LRRCC1: variants seen among roughly 807,000 people sequenced by gnomAD.
LRRCC1 encodes the protein leucine-rich repeat and coiled-coil domain-containing protein 1.
In LRRCC1, 115 loss-of-function variants were observed where a neutral mutation model predicts 126.0. The observed-to-expected ratio is 0.91, with a 90% CI of 0.78 to 1.07. The LOEUF is 1.07. Ranked by LOEUF, LRRCC1 falls within the 50% of genes least tolerant of loss-of-function variation. The probability of loss-of-function intolerance (pLI) is 0.00; values close to 1 mark genes in which losing one functional copy is unlikely to be tolerated. For synonymous variants in LRRCC1, 400 were observed against 393.4 expected (o/e 1.02, Z -0.20); for missense variants, 1,172 against 1,175.7 (o/e 1.00, Z 0.05).
rs1454207757 is a variant in LRRCC1, at chr8:85,126,897, AC to A, written c.1421+61del. ...TAGCATAAACAATACTGACTTTAGA[AC>A]TGGAATACATTAGTTTCAGTGTGGT... On this transcript the variant is annotated intron_variant, in intron 9 of 18. Coordinates refer to ENST00000360375, the MANE Select transcript of LRRCC1 (RefSeq NM_033402.5). 8.6e-6 allele frequency: 12 copies of A among 1,388,452 alleles called. No homozygotes were observed. In the African/African-American group the frequency reaches 1.4e-4, roughly 16 times the overall value. The allele number at this position is 1,388,452 out of a possible 1,614,324, so 86.0% of individuals were successfully genotyped here. A position where few individuals can be genotyped will look rare whatever the true frequency, so the allele number is the denominator to read the frequency against.
chr8:85,131,136 AAT>A (rs1472910605), intron 11 of LRRCC1, among the ~76,000 whole-genome samples: 1 of 152,212 alleles, frequency 6.6e-6, no homozygotes, highest in Non-Finnish European at 1.5e-5. Flanking sequence ...TAGATGAGAC[AAT>A]TATAAAAGAT....
intron 18 of LRRCC1, among the ~76,000 whole-genome samples, chr8:85,144,187 A>G (rs993637775): frequency 6.6e-6 from 1 of 152,084 alleles, no homozygotes; most frequent in Non-Finnish European, 1.5e-5. Context: ...TGTAGGCACT[A>G]CATTAAAGAT....
chr8:85,125,751 T>G (rs1809943900), intron 8 of LRRCC1, among the ~76,000 whole-genome samples: 1 of 151,710 alleles, frequency 6.6e-6, no homozygotes, highest in African/African-American at 2.4e-5. Flanking sequence ...GTTGAGAAAC[T>G]TCAGTACTTG....
intron 3 of LRRCC1, 38 bp from the exon 4 acceptor site, chr8:85,112,892 CTA>C (rs1316282370): frequency 7.0e-7 from 1 of 1,438,768 alleles, no homozygotes; most frequent in African/African-American, 1.4e-5. Flanking sequence ...ATTGGAAAGA[CTA>C]TTGCTGTGGC....
intron 1 of LRRCC1, among the ~76,000 whole-genome samples, chr8:85,107,918 TA>T (rs1175016019): frequency 6.6e-6 from 1 of 152,244 alleles, no homozygotes; most frequent in African/African-American, 2.4e-5. Flanking sequence ...TTGCAATACA[TA>T]TATTCATATA....
chr8:85,121,519 G>A (rs542621651), intron 6 of LRRCC1, among the ~76,000 whole-genome samples: 9 of 152,086 alleles, frequency 5.9e-5, no homozygotes, highest in Admixed American at 2.6e-4. Context: ...TCAGCTCACC[G>A]CAACCTCCAC....
chr8:85,130,075 T>C lies in LRRCC1; in HGVS notation c.1766+17T>C. 6.5e-7 allele frequency: 1 copy of C among 1,538,628 alleles called. No homozygotes were observed. The highest frequency in any genetic ancestry group is 8.7e-7 in the Non-Finnish European group (1 of 1,149,184). ...GGAACACAGGTAAATGAAAAATGTA[T>C]CAGGAATGTATTGGCATTTAAAAAA... is the stretch of plus-strand genomic sequence containing the variant. On this transcript the variant is annotated intron_variant, in intron 11 of 18. Coordinates refer to ENST00000360375, the MANE Select transcript of LRRCC1 (RefSeq NM_033402.5).
chr8:85,115,312 T>G (rs376428229), intron 5 of LRRCC1, 37 bp downstream of exon 5: 1 of 1,562,698 alleles, frequency 6.4e-7, no homozygotes, highest in African/African-American at 1.4e-5. Flanking sequence ...ATATAAAAAA[T>G]ACCTTCAAAT....
Position 85,135,830 on chromosome 8 carries a change from G to A in LRRCC1, c.2196G>A (p.Lys732=), listed in dbSNP as rs1810816181. ...TTGAAATTTTAATTGAAGATGACAAGCAGAAGAGTATTCAAATAGAACTTC... is the reference window on the plus strand; with the variant it reads ...TTGAAATTTTAATTGAAGATGACAAACAGAAGAGTATTCAAATAGAACTTC... ...NTLEILIEDD[K]QKSIQIELLK... is the part of the protein sequence containing the mutation. The change falls in exon 14 of 19, where the codon AAG becomes AAA. Residue 732 remains lysine, a synonymous_variant. Transcript: ENST00000360375. The A allele has an allele frequency of 1.3e-6, 2 of 1,588,362 alleles. No individual in the cohort carries two copies. Among genetic ancestry groups the A allele is most frequent in the Non-Finnish European group, 8.6e-7 (1 of 1,166,952 alleles).
Position 85,135,812 on chromosome 8 carries a change from T to C in LRRCC1, c.2178T>C (p.Ile726=). The change falls in exon 14 of 19, where the codon ATT becomes ATC. Residue 726 remains isoleucine (I), a synonymous_variant. Coordinates refer to ENST00000360375, the MANE Select transcript of LRRCC1 (RefSeq NM_033402.5). ...AGAATCAAATCAACACCCTTGAAAT[T>C]TTAATTGAAGATGACAAGCAGAAGA... The part of the protein sequence containing the change: ...NLQNQINTLE[I]LIEDDKQKSI... 6.4e-7 allele frequency: 1 copy of C among 1,558,530 alleles called. No homozygotes were observed. The highest frequency in any genetic ancestry group is 8.7e-7 in the Non-Finnish European group (1 of 1,152,954).
chr8:85,143,848 G>A (rs1323499593), intron 18 of LRRCC1, among the ~76,000 whole-genome samples: 1 of 152,116 alleles, frequency 6.6e-6, no homozygotes, highest in African/African-American at 2.4e-5. Flanking sequence ...TAGCACTAGA[G>A]CTTAAATATG....
intron 3 of LRRCC1, among the ~76,000 whole-genome samples, chr8:85,112,722 G>A (rs1364823468): frequency 6.6e-6 from 1 of 152,004 alleles, no homozygotes; most frequent in African/African-American, 2.4e-5. Context: ...GGAACCTCAG[G>A]GACTAAAGCC....
At chr8:85,112,125 G>A (rs1445604548) in intron 3 of LRRCC1, among the ~76,000 whole-genome samples, 1 of 152,150 alleles carries the variant, frequency 6.6e-6, no homozygotes, top group Non-Finnish European at 1.5e-5. Flanking sequence ...TCCTCCCAAA[G>A]TGCTGAGATT....
chr8:85,123,327 A>G, intron 6 of LRRCC1, 86 bp from the exon 7 acceptor site: 2 of 909,398 alleles, frequency 2.2e-6, no homozygotes, highest in Non-Finnish European at 3.4e-6. Flanking sequence ...AATCATATAA[A>G]AAGATATAAT....
rs1354039428 is a variant in LRRCC1, at chr8:85,136,014, C to T, written c.2329+51C>T. The T allele has an allele frequency of 2.1e-6, 3 of 1,413,236 alleles. No individual in the cohort carries two copies. In the East Asian group the frequency reaches 7.6e-5, roughly 36 times the overall value. The allele number at this position is 1,413,236 out of a possible 1,614,324, so 87.5% of individuals were successfully genotyped here. A position where few individuals can be genotyped will look rare whatever the true frequency, so the allele number is the denominator to read the frequency against. ...AAAATAGCTTATTCTTATAAATGAG[C>T]AAATCTGGGTATTGGAGAGAAAAAG... On this transcript the variant is annotated intron_variant, in intron 14 of 18. Coordinates refer to ENST00000360375, the MANE Select transcript of LRRCC1 (RefSeq NM_033402.5).
chr8:85,116,253 A>G (rs903807464), intron 6 of LRRCC1, among the ~76,000 whole-genome samples: 1 of 152,202 alleles, frequency 6.6e-6, no homozygotes, highest in Non-Finnish European at 1.5e-5. Flanking sequence ...ATCTGACTGC[A>G]ATAGATTATT....
chr8:85,118,429 T>A (rs1196242972), intron 6 of LRRCC1, among the ~76,000 whole-genome samples: 1 of 152,072 alleles, frequency 6.6e-6, no homozygotes, highest in Non-Finnish European at 1.5e-5. Context: ...GGTAGATGTA[T>A]GTTGAGTTTT....
intron 1 of LRRCC1, chr8:85,107,661 C>T (rs374230032): frequency 4.9e-5 from 16 of 327,842 alleles, no homozygotes; most frequent in African/African-American, 1.9e-4. Context: ...GCCCCAGGAC[C>T]TTGTCCTCCA....
intron 16 of LRRCC1, 37 bp downstream of exon 16, chr8:85,138,280 A>C: frequency 6.3e-7 from 1 of 1,578,384 alleles, no homozygotes; most frequent in Non-Finnish European, 8.6e-7. Context: ...TGAGAAATAA[A>C]ATGTGGCTTA....
Sources: gnomAD v4.1 joint callset for allele counts (sites outside exome capture counted in the v4.1 genomes callset) on GRCh38, gnomAD v4.1.1 for gene constraint, MANE v1.5 for transcripts, NCBI Gene and HGNC (gene_info 2026-07-23, HGNC 2026-07-21) for gene names.